Variants in CMIP observed in about 807,000 individuals in gnomAD.
CMIP encodes C-Maf-inducing protein.
Under a neutral mutation model 97.3 loss-of-function variants are expected in CMIP, and 13 were observed. The observed-to-expected ratio is 0.13, with a 90% CI of 0.09 to 0.21. The LOEUF is 0.21. Among genes scored for constraint, CMIP ranks in the 10% least tolerant of loss-of-function variants. The pLI, the probability that CMIP is intolerant of heterozygous loss-of-function variation, is 1.00. For synonymous variants in CMIP, 538 were observed against 436.3 expected (o/e 1.23, Z -2.91); for missense variants, 847 against 1,024.9 (o/e 0.83, Z 2.37).
intron 18 of CMIP, 90 bp downstream of exon 18, chr16:81,704,175 C>T (rs1340524181): frequency 4.4e-6 from 5 of 1,138,370 alleles, no homozygotes; most frequent in Non-Finnish European, 6.2e-6. Flanking sequence ...TCTTCCTTTC[C>T]CCTCAGCCTC....
At chr16:81,578,804 C>T (rs1327498975) in intron 1 of CMIP, among the ~76,000 whole-genome samples, 2 of 152,206 alleles carry the variant, frequency 1.3e-5, no homozygotes, top group African/African-American at 4.8e-5. Flanking sequence ...CGGAAAAGTT[C>T]CATGGCAGAT....
At chr16:81,605,149 C>T (rs2091720913) in intron 1 of CMIP, among the ~76,000 whole-genome samples, 1 of 152,212 alleles carries the variant, frequency 6.6e-6, no homozygotes, top group Non-Finnish European at 1.5e-5. Flanking sequence ...AGGGCTGAGT[C>T]ATTTACTGCA....
chr16:81,663,817 C>G (rs756352877), intron 6 of CMIP, among the ~76,000 whole-genome samples: 1 of 152,072 alleles, frequency 6.6e-6, no homozygotes, highest in Non-Finnish European at 1.5e-5. Flanking sequence ...GCACTTTACC[C>G]CCTGCCCAGG....
chr16:81,484,654 G>C (rs1174935975), intron 1 of CMIP, among the ~76,000 whole-genome samples: 1 of 152,142 alleles, frequency 6.6e-6, no homozygotes, highest in African/African-American at 2.4e-5. Flanking sequence ...GACCCGGCTA[G>C]TTTAAGGCCA....
At chr16:81,537,426 T>G (rs1278830205) in intron 1 of CMIP, among the ~76,000 whole-genome samples, 1 of 150,930 alleles carries the variant, frequency 6.6e-6, no homozygotes, top group South Asian at 2.1e-4. Context: ...TTGCAGCCAC[T>G]TGGGAGGCTG....
At chr16:81,568,053 T>G (rs1274458937) in intron 1 of CMIP, among the ~76,000 whole-genome samples, 4 of 150,032 alleles carry the variant, frequency 2.7e-5, no homozygotes, top group Non-Finnish European at 5.9e-5. Context: ...TTTTTTTTTT[T>G]TTTTTTTGAA....
chr16:81,604,803 G>C (rs1009915367), intron 1 of CMIP, among the ~76,000 whole-genome samples: 1 of 152,260 alleles, frequency 6.6e-6, no homozygotes, highest in African/African-American at 2.4e-5. Flanking sequence ...AGACAGCTAA[G>C]GCAGGGCATG....
intron 1 of CMIP, among the ~76,000 whole-genome samples, chr16:81,597,563 C>G (rs1049617190): frequency 1.3e-5 from 2 of 148,800 alleles, no homozygotes; most frequent in Non-Finnish European, 3.0e-5. Context: ...TGGGAAGAGC[C>G]CTGGAGATGT....
intron 1 of CMIP, among the ~76,000 whole-genome samples, chr16:81,523,762 T>C (rs2090074915): frequency 6.6e-6 from 1 of 152,112 alleles, no homozygotes; most frequent in Non-Finnish European, 1.5e-5. Context: ...GCCTCCCTCC[T>C]CCCCCAGGAA....
intron 1 of CMIP, among the ~76,000 whole-genome samples, chr16:81,454,772 G>C (rs1906443111): frequency 6.6e-6 from 1 of 152,236 alleles, no homozygotes; most frequent in South Asian, 2.1e-4. Context: ...AGAGGTTTAT[G>C]TCTTGTCCTG....
intron 9 of CMIP, among the ~76,000 whole-genome samples, chr16:81,676,612 C>T (rs1011928343): frequency 1.3e-5 from 2 of 152,188 alleles, no homozygotes; most frequent in African/African-American, 2.4e-5. Context: ...TTGTTATCAA[C>T]GATAGAATTC....
intron 1 of CMIP, among the ~76,000 whole-genome samples, chr16:81,452,869 GTTTTTT>G (rs377250298): frequency 4.9e-5 from 5 of 103,012 alleles, no homozygotes; most frequent in East Asian, 2.8e-4. Context: ...TTTTTCTTTT[GTTTTTT>G]TTTTGTTTTG....
chr16:81,452,597 G>C (rs1303011082), intron 1 of CMIP, among the ~76,000 whole-genome samples: 1 of 152,108 alleles, frequency 6.6e-6, no homozygotes. Flanking sequence ...CGGGTGATAG[G>C]ACTTCCAGGG....
chr16:81,612,461 T>C (rs181730824), intron 2 of CMIP, among the ~76,000 whole-genome samples: 2 of 152,180 alleles, frequency 1.3e-5, no homozygotes, highest in East Asian at 3.9e-4. Context: ...TACTGGAAGG[T>C]AGCAAGCAGG....
chr16:81,679,108 G>A (rs1280650673), intron 10 of CMIP, among the ~76,000 whole-genome samples: 1 of 152,238 alleles, frequency 6.6e-6, no homozygotes, highest in East Asian at 1.9e-4. Flanking sequence ...TGTGTTGGGT[G>A]TGTGGGATCC....
intron 1 of CMIP, among the ~76,000 whole-genome samples, chr16:81,569,549 C>T (rs534055651): frequency 6.6e-6 from 1 of 152,372 alleles, no homozygotes; most frequent in African/African-American, 2.4e-5. Context: ...TTCCACAGGA[C>T]AGTCCTGCCA....
At chr16:81,613,771 G>T (rs2091869118) in intron 2 of CMIP, among the ~76,000 whole-genome samples, 1 of 152,046 alleles carries the variant, frequency 6.6e-6, no homozygotes. Context: ...GTATATGAAT[G>T]CCCCATTCAT....
intron 2 of CMIP, among the ~76,000 whole-genome samples, chr16:81,613,910 A>T (rs2091871276): frequency 6.6e-6 from 1 of 152,062 alleles, no homozygotes; most frequent in African/African-American, 2.4e-5. Context: ...CCAATCTTTC[A>T]CTTAACAAAC....
At chr16:81,597,916 C>T (rs2091589446) in intron 1 of CMIP, among the ~76,000 whole-genome samples, 1 of 151,982 alleles carries the variant, frequency 6.6e-6, no homozygotes, top group Non-Finnish European at 1.5e-5. Flanking sequence ...ACTGGCCTAT[C>T]CCCAGGTCTG....
Sources: gnomAD v4.1 joint callset for allele counts (sites outside exome capture counted in the v4.1 genomes callset) on GRCh38, gnomAD v4.1.1 for gene constraint, MANE v1.5 for transcripts, NCBI Gene and HGNC (gene_info 2026-07-23, HGNC 2026-07-21) for gene names.